Variants in ANAPC2 observed in about 807,000 individuals in gnomAD.
The protein encoded by ANAPC2 is anaphase promoting complex subunit 2.
Under a neutral mutation model 84.3 loss-of-function variants are expected in ANAPC2, and 29 were observed. The observed-to-expected ratio is 0.34, with a 90% CI of 0.26 to 0.47. The LOEUF (loss-of-function observed/expected upper bound fraction) is 0.47, where lower values mean the gene tolerates loss of function less well. Ranked by LOEUF, ANAPC2 falls within the 20% of genes least tolerant of loss-of-function variation. ANAPC2 has a pLI of 1.00. For synonymous variants in ANAPC2, 571 were observed against 479.4 expected (o/e 1.19, Z -2.50); for missense variants, 857 against 1,131.7 (o/e 0.76, Z 3.48).
In ANAPC2 at chr9:137,187,690, A is replaced by G. The variant is rs952803774; in HGVS notation, c.531T>C (p.Tyr177=). The stretch of plus-strand genomic sequence containing the variant: ...GCATATAGACTCTCAAGAAGCACCC[A>G]TACAGACGCTGGATCATCTCTTGGA... ...RTFQEMIQRL[Y]GCFLRVYMQS... is the part of the protein sequence containing the mutation. The change falls in exon 2 of 13, where the codon TAT becomes TAC. Residue 177 remains tyrosine (Y), a synonymous_variant. Coordinates refer to ENST00000323927, the MANE Select transcript of ANAPC2 (RefSeq NM_013366.4). The G allele has an allele frequency of 8.1e-6, 13 of 1,613,990 alleles. No individual in the cohort carries two copies. Among genetic ancestry groups the G allele is most frequent in the African/African-American group, 1.3e-5 (1 of 75,040 alleles).
intron 8 of ANAPC2, 126 bp downstream of exon 8, chr9:137,180,662 G>A: frequency 6.4e-7 from 1 of 1,555,152 alleles, no homozygotes; most frequent in Non-Finnish European, 8.8e-7. Flanking sequence ...CACACCCCCA[G>A]CCAGGAGTGG....
In ANAPC2 at chr9:137,180,545, TG is replaced by T; in HGVS notation, c.1611-19del. On this transcript the variant is annotated intron_variant, in intron 8 of 12. Transcript: ENST00000323927. ...GGATCTCCCTGGAAAGACGAGTGTC[TG>T]GGCAGGGGGTCGTGATGAGCCCCAG... is the stretch of plus-strand genomic sequence containing the variant. The T allele has an allele frequency of 6.2e-7, 1 of 1,612,810 alleles. No individual in the cohort carries two copies. Among genetic ancestry groups the T allele is most frequent in the Non-Finnish European group, 8.5e-7 (1 of 1,179,866 alleles).
rs760988795 is a variant in ANAPC2, at chr9:137,175,681, A to G, written c.2020+27T>C. 1.5e-4 allele frequency: 242 copies of G among 1,601,074 alleles called. 2 individuals are homozygous for G. In the East Asian group the frequency reaches 5.3e-3, roughly 35 times the overall value. On this transcript the variant is annotated intron_variant, in intron 11 of 12. Coordinates refer to ENST00000323927, the MANE Select transcript of ANAPC2 (RefSeq NM_013366.4). ...CACAGCTGGGCCGTGTGGCCGGGGC[A>G]GGCCAGCTAGGGGCTGGTGGGCTCA... is the stretch of plus-strand genomic sequence containing the variant.
At chr9:137,182,045 T>A (rs1202985138) in intron 6 of ANAPC2, among the ~76,000 whole-genome samples, 183 bp from the exon 7 acceptor site, 1 of 151,990 alleles carries the variant, frequency 6.6e-6, no homozygotes, top group Non-Finnish European at 1.5e-5. Context: ...AACCCAACGT[T>A]ACTTGGGAGC....
At position 137,188,037 on chromosome 9, in the gene ANAPC2, G is replaced by A. The variant is rs140118173; in HGVS notation, c.184C>T (p.Leu62=). The A allele has an allele frequency of 2.6e-5, 42 of 1,613,720 alleles. No homozygotes were observed. In the African/African-American group the frequency reaches 4.9e-4, roughly 19 times the overall value. Residue 62 remains leucine (L), a synonymous_variant, in exon 2 of 13, where the codon CTG becomes TTG. Coordinates refer to ENST00000323927, the MANE Select transcript of ANAPC2 (RefSeq NM_013366.4). ...ACCGAGTGTAGCCCGTGGCCCCTCA[G>A]AACCTCCACCGCCGCCCGGAGCTCC... ...EEELRAAVEV[L]RGHGLHSVLE... is the part of the protein sequence containing the mutation.
At chr9:137,188,167 G>T (rs183982111) in intron 1 of ANAPC2, 64 bp from the exon 2 acceptor site, 4 of 1,553,458 alleles carry the variant, frequency 2.6e-6, no homozygotes, top group Non-Finnish European at 3.5e-6. Flanking sequence ...GGCGGGGAAG[G>T]GAAGAAGCTG....
Position 137,188,527 on chromosome 9 carries a change from C to G in ANAPC2, c.6G>C (p.Ala2=). 3.1e-6 allele frequency: 5 copies of G among 1,608,110 alleles called. No individual in the cohort carries two copies. The highest frequency in any genetic ancestry group is 3.4e-6 in the Non-Finnish European group (4 of 1,179,066). ...CCCCCTCCGCCACCACAACTGCCGC[C>G]GCCATCTGCACCCACCGACTCCGAG... The part of the protein sequence containing the change: M[A]AAVVVAEGDS... Residue 2 remains alanine (A), a synonymous_variant, in exon 1 of 13, where the codon GCG becomes GCC. Coordinates refer to ENST00000323927, the MANE Select transcript of ANAPC2 (RefSeq NM_013366.4).
intron 1 of ANAPC2, 90 bp from the exon 2 acceptor site, chr9:137,188,193 A>C (rs1453195004): frequency 1.3e-6 from 2 of 1,489,946 alleles, no homozygotes; most frequent in Non-Finnish European, 1.8e-6. Flanking sequence ...GAGGCTGCAA[A>C]AACTCCGCTG....
chr9:137,178,613 G>A (rs898833301), intron 10 of ANAPC2, among the ~76,000 whole-genome samples: 9 of 152,284 alleles, frequency 5.9e-5, no homozygotes, highest in South Asian at 4.1e-4. Flanking sequence ...AGCGGGGCAC[G>A]GTGCCCGCAG....
chr9:137,181,853 C>T lies in ANAPC2; in HGVS notation c.1296G>A (p.Glu432=), dbSNP rs746188952. ...CAGCCACAATCTGCCGCACTGTGTC[C>T]TCCCGCGTCCTGCCGATGTGAGTGC... is the stretch of plus-strand genomic sequence containing the variant. The part of the protein sequence containing the change: ...EPIRRYLRTR[E]DTVRQIVAGL... The change falls in exon 7 of 13, where the codon GAG becomes GAA. Residue 432 remains glutamate (E), a synonymous_variant. Coordinates refer to ENST00000323927, the MANE Select transcript of ANAPC2 (RefSeq NM_013366.4). 2.5e-6 allele frequency: 4 copies of T among 1,603,906 alleles called. No individual in the cohort carries two copies. The South Asian group carries it at 4.4e-5, about 18-fold the overall frequency.
At position 137,187,766 on chromosome 9, in the gene ANAPC2, T is replaced by A. The variant is rs760433882; in HGVS notation, c.455A>T (p.Glu152Val). ...MGTGAQGLREEVHTMLRGVLF... is the reference protein window; with the variant it reads ...MGTGAQGLREVVHTMLRGVLF... ...GACTCCGCGCAACATAGTGTGGACT[T>A]CTTCTCGCAGCCCCTGAGCACCAGT... The change falls in exon 2 of 13, where the codon GAA becomes GTA. Residue 152 changes from glutamate (E) to valine (V), a missense_variant. Around this residue, in one of 3 missense-constraint regions of ANAPC2, gnomAD observed 428 missense variants for 513.8 expected, o/e 0.83. Transcript: ENST00000323927. 2 of 1,613,610 alleles carry A rather than the reference T, an allele frequency of 1.2e-6. No homozygotes were observed. The highest frequency in any genetic ancestry group is 1.7e-5 in the Admixed American group (1 of 60,004).
chr9:137,181,039 G>C lies in ANAPC2; in HGVS notation c.1469-110C>G, dbSNP rs1169983533. The C allele has an allele frequency of 3.5e-6, 5 of 1,421,804 alleles. No individual in the cohort carries two copies. The South Asian group carries it at 6.5e-5, about 19-fold the overall frequency. The allele number at this position is 1,421,804 out of a possible 1,614,324, so 88.1% of individuals were successfully genotyped here. On this transcript the variant is annotated intron_variant, in intron 7 of 12. Coordinates refer to ENST00000323927, the MANE Select transcript of ANAPC2 (RefSeq NM_013366.4). ...GGCACAGCCCAGCATGGCTCTTCCTGAAGGCCCTCGAGGCTGGGAGCAGCC... is the reference window on the plus strand; with the variant it reads ...GGCACAGCCCAGCATGGCTCTTCCTCAAGGCCCTCGAGGCTGGGAGCAGCC...
At chr9:137,175,917 A>AT in intron 10 of ANAPC2, 80 bp from the exon 11 acceptor site, 1 of 1,486,150 alleles carries the variant, frequency 6.7e-7, no homozygotes, top group Admixed American at 2.3e-5. Context: ...GGTACCAGTG[A>AT]GAAAGGGGCT....
chr9:137,188,183 G>A (rs987953664), intron 1 of ANAPC2, 80 bp from the exon 2 acceptor site: 31 of 1,522,566 alleles, frequency 2.0e-5, no homozygotes, highest in Admixed American at 5.9e-5. Context: ...AGCTGAGGGG[G>A]AGGCTGCAAA....
intron 12 of ANAPC2, 35 bp from the exon 13 acceptor site, chr9:137,175,189 C>T (rs1834180486): frequency 1.2e-6 from 2 of 1,602,456 alleles, no homozygotes; most frequent in South Asian, 2.2e-5. Flanking sequence ...CAGGCACCTG[C>T]AGGCCTCGCC....
chr9:137,188,163 G>T lies in ANAPC2; in HGVS notation c.118-60C>A, dbSNP rs1192235510. 3 of 1,559,228 alleles carry T rather than the reference G, an allele frequency of 1.9e-6. No individual in the cohort carries two copies. In the East Asian group the frequency reaches 6.8e-5, roughly 35 times the overall value. On this transcript the variant is annotated intron_variant, in intron 1 of 12. Coordinates refer to ENST00000323927, the MANE Select transcript of ANAPC2 (RefSeq NM_013366.4). The stretch of plus-strand genomic sequence containing the variant: ...CAACATAGAGGTGGGGAGAGGCGGG[G>T]AAGGGAAGAAGCTGAGGGGGAGGCT...
chr9:137,177,608 A>G (rs1834251444), intron 10 of ANAPC2, among the ~76,000 whole-genome samples: 1 of 152,124 alleles, frequency 6.6e-6, no homozygotes, highest in Non-Finnish European at 1.5e-5. Flanking sequence ...TGAAATGGTG[A>G]AGACTTTTGG....
At chr9:137,175,635 A>G in intron 11 of ANAPC2, 73 bp downstream of exon 11, 1 of 1,546,006 alleles carries the variant, frequency 6.5e-7, no homozygotes. Flanking sequence ...CCACACCCTC[A>G]CTGGGGAACA....
rs1834514691 is a variant in ANAPC2 at position 137,187,969 on chromosome 9, C to T, written c.252G>A (p.Gln84=). The change falls in exon 2 of 13, where the codon CAG becomes CAA. Residue 84 remains glutamine, a synonymous_variant. Coordinates refer to ENST00000323927, the MANE Select transcript of ANAPC2 (RefSeq NM_013366.4). ...WFVEVLQNDL[Q]ANISPEFWNA... ...TCCAGAACTCAGGGGAGATGTTGGCCTGCAGATCGTTCTGCAGCACCTCCA... is the reference window on the plus strand; with the variant it reads ...TCCAGAACTCAGGGGAGATGTTGGCTTGCAGATCGTTCTGCAGCACCTCCA... The T allele has an allele frequency of 1.2e-6, 2 of 1,613,940 alleles. No individual in the cohort carries two copies. The highest frequency in any genetic ancestry group is 4.5e-5 in the East Asian group (2 of 44,888).
Sources: gnomAD v4.1 joint callset for allele counts (sites outside exome capture counted in the v4.1 genomes callset) on GRCh38, gnomAD v4.1.1 for gene constraint, gnomAD v4.1.1 regional missense constraint, MANE v1.5 for transcripts, NCBI Gene and HGNC (gene_info 2026-07-23, HGNC 2026-07-21) for gene names.